GPLD1: variants seen among roughly 807,000 people sequenced by gnomAD.
GPLD1 encodes phosphatidylinositol-glycan-specific phospholipase D.
In GPLD1, 84 loss-of-function variants were observed where a neutral mutation model predicts 112.6. The observed-to-expected ratio is 0.75, with a 90% confidence interval of 0.63 to 0.89. GPLD1 has a LOEUF of 0.89. Among genes scored for constraint, GPLD1 ranks in the 40% least tolerant of loss-of-function variants. The pLI, the probability that GPLD1 is intolerant of heterozygous loss-of-function variation, is 0.00. For missense variants in GPLD1, 1,044 were observed against 1,051.5 expected (o/e 0.99, Z 0.10); for synonymous variants, 386 against 403.8 (o/e 0.96, Z 0.53).
chr6:24,491,328 T>C (rs1764553807), upstream of GPLD1, among the ~76,000 whole-genome samples: 1 of 152,026 alleles, frequency 6.6e-6, no homozygotes, highest in South Asian at 2.1e-4. Flanking sequence ...CAATCAATGG[T>C]TACAGGGGAA....
chr6:24,427,332 A>G lies in GPLD1; in HGVS notation c.*1700T>C, dbSNP rs1051803740. ...CGGCCCTTACAGTAGCGTGTGGCTC[A>G]GGCCACATCTTTTCCCTCTAGTTCT... On this transcript the variant is annotated 3_prime_UTR_variant, in exon 25 of 25. Transcript: ENST00000230036. Among the ~76,000 whole-genome samples the G allele has an allele frequency of 1.3e-5, 2 of 152,194 alleles. No homozygotes were observed. The highest frequency in any genetic ancestry group is 2.4e-5 in the African/African-American group (1 of 41,452).
intron 15 of GPLD1, among the ~76,000 whole-genome samples, chr6:24,448,937 C>G (rs1762995727): frequency 6.6e-6 from 1 of 151,974 alleles, no homozygotes; most frequent in African/African-American, 2.4e-5. Flanking sequence ...CAAATAAGAC[C>G]AATCTCTTTC....
intron 7 of GPLD1, among the ~76,000 whole-genome samples, chr6:24,467,977 G>A (rs1159092655): frequency 2.6e-5 from 4 of 152,054 alleles, no homozygotes; most frequent in East Asian, 1.9e-4. Flanking sequence ...TGCAATCTCC[G>A]TTCACCGCAA....
At chr6:24,490,753 A>G (rs1439044880), upstream of GPLD1, among the ~76,000 whole-genome samples, 2 of 79,708 alleles carry the variant, frequency 2.5e-5, no homozygotes, top group Non-Finnish European at 6.2e-5. Flanking sequence ...CCCTGTCTCA[A>G]AAAAAAAAAA....
intron 18 of GPLD1, 31 bp downstream of exon 18, chr6:24,446,807 C>A: frequency 1.2e-6 from 2 of 1,607,138 alleles, no homozygotes; most frequent in South Asian, 2.2e-5. Flanking sequence ...CCCCTGTGTT[C>A]ATGGTTCCCA....
intron 11 of GPLD1, among the ~76,000 whole-genome samples, chr6:24,461,019 A>T (rs1160184394): frequency 1.3e-5 from 2 of 152,206 alleles, no homozygotes; most frequent in Non-Finnish European, 2.9e-5. Context: ...CTGGAATTAC[A>T]GGTGTGAGCC....
chr6:24,489,906 T>C (rs568436243), upstream of GPLD1, among the ~76,000 whole-genome samples: 3 of 152,220 alleles, frequency 2.0e-5, no homozygotes, highest in Admixed American at 6.5e-5. Context: ...CCTGTGCAGA[T>C]AGTCAACATA....
At chr6:24,464,588 T>A (rs968875683) in intron 10 of GPLD1, among the ~76,000 whole-genome samples, 1 of 152,238 alleles carries the variant, frequency 6.6e-6, no homozygotes, top group Non-Finnish European at 1.5e-5. Context: ...TGGTTAACAC[T>A]GTTTGGGTAC....
chr6:24,442,609 T>A lies in GPLD1; in HGVS notation c.2020+2937A>T, dbSNP rs139430974. On this transcript the variant is annotated intron_variant, in intron 20 of 24. Transcript: ENST00000230036. ...ACAGGTGCCCACCACCACGCCCAGC[T>A]AATTTTTTGTGTTTTTAGTAGAGAC... Among the ~76,000 whole-genome samples the A allele has an allele frequency of 7.3e-3, 1,105 of 151,976 alleles. 18 individuals are homozygous for A. The highest frequency in any genetic ancestry group is 0.024 in the African/African-American group (989 of 41,396).
At chr6:24,488,598 A>T (rs987358263) in intron 1 of GPLD1, among the ~76,000 whole-genome samples, 4 of 151,582 alleles carry the variant, frequency 2.6e-5, no homozygotes, top group African/African-American at 9.7e-5. Flanking sequence ...AAGTGTTCTC[A>T]GCCCATATGC....
chr6:24,466,059 T>TG (rs1429840300), intron 10 of GPLD1, among the ~76,000 whole-genome samples: 1 of 152,192 alleles, frequency 6.6e-6, no homozygotes, highest in Non-Finnish European at 1.5e-5. Context: ...AAGAAACAGA[T>TG]GGAGGCTGGG....
At position 24,428,989 on chromosome 6, in the gene GPLD1, A is replaced by C; in HGVS notation, c.*43T>G. On this transcript the variant is annotated 3_prime_UTR_variant, in exon 25 of 25. Coordinates refer to ENST00000230036, the MANE Select transcript of GPLD1 (RefSeq NM_001503.4). ...AAAATGCTCACCATGGATGTGATTC[A>C]GCATGAGAGAGGTGGGCAGAGTGGG... is the stretch of plus-strand genomic sequence containing the variant. 1 of 1,332,364 alleles carries C rather than the reference A, an allele frequency of 7.5e-7. No individual in the cohort carries two copies. The highest frequency in any genetic ancestry group is 1.8e-4 in the Middle Eastern group (1 of 5,458). The allele number at this position is 1,332,364 out of a possible 1,614,324, so 82.5% of individuals were successfully genotyped here. A position where few individuals can be genotyped will look rare whatever the true frequency, so the allele number is the denominator to read the frequency against.
intron 8 of GPLD1, 40 bp downstream of exon 8, chr6:24,467,124 CACA>C (rs1417366212): frequency 1.6e-6 from 2 of 1,244,914 alleles, no homozygotes; most frequent in Admixed American, 3.4e-5. Context: ...CAAAGGAAGT[CACA>C]ACAAAATCAG....
At chr6:24,436,517 A>T in intron 22 of GPLD1, 59 bp downstream of exon 22, 2 of 1,438,096 alleles carry the variant, frequency 1.4e-6, no homozygotes, top group Non-Finnish European at 1.9e-6. Context: ...TGAGTTAACA[A>T]GGAATCAGCA....
upstream of GPLD1, among the ~76,000 whole-genome samples, chr6:24,490,038 T>C (rs1027032418): frequency 1.3e-5 from 2 of 152,198 alleles, no homozygotes; most frequent in Non-Finnish European, 2.9e-5. Context: ...GGTAATCAGC[T>C]GGAACTGGCT....
chr6:24,442,773 G>T (rs867813360), intron 20 of GPLD1, among the ~76,000 whole-genome samples: 1 of 151,720 alleles, frequency 6.6e-6, no homozygotes, highest in Admixed American at 6.6e-5. Flanking sequence ...TAGAGACAGG[G>T]TCTCACTGTG....
upstream of GPLD1, among the ~76,000 whole-genome samples, chr6:24,494,220 T>C (rs921276039): frequency 6.6e-6 from 1 of 152,318 alleles, no homozygotes; most frequent in African/African-American, 2.4e-5. Context: ...GTGGCAACTG[T>C]AATGAGCATT....
chr6:24,477,539 C>T (rs1764061501), intron 3 of GPLD1, among the ~76,000 whole-genome samples: 1 of 151,648 alleles, frequency 6.6e-6, no homozygotes, highest in South Asian at 2.1e-4. Context: ...GGCAACATAG[C>T]AAGACCACAT....
At chr6:24,439,259 G>A (rs1762673248) in intron 20 of GPLD1, among the ~76,000 whole-genome samples, 1 of 152,204 alleles carries the variant, frequency 6.6e-6, no homozygotes, top group Admixed American at 6.5e-5. Context: ...TGGCCCCAGT[G>A]CATGTGGGAG....
Sources: allele counts gnomAD v4.1 joint callset (sites outside exome capture counted in the v4.1 genomes callset), GRCh38; gene constraint gnomAD v4.1.1; transcripts MANE v1.5; gene names NCBI Gene and HGNC (gene_info 2026-07-23, HGNC 2026-07-21).